KIAA0513: variants seen among roughly 807,000 people sequenced by gnomAD.
KIAA0513 encodes the protein KIAA0513, also known as uncharacterized protein KIAA0513.
In KIAA0513, 39 loss-of-function variants were observed where a neutral mutation model predicts 56.5. That is an observed-to-expected ratio of 0.69 (90% CI 0.53 to 0.90). The LOEUF (loss-of-function observed/expected upper bound fraction) is 0.90. Among genes scored for constraint, KIAA0513 ranks in the 40% least tolerant of loss-of-function variants. The pLI is 0.00. For synonymous variants in KIAA0513, 268 were observed against 215.6 expected, an observed-to-expected ratio of 1.24 and a Z score of -2.13; for missense variants, 591 against 535.2, an observed-to-expected ratio of 1.10 and a Z score of -1.03.
intron 1 of KIAA0513, among the ~76,000 whole-genome samples, chr16:85,052,307 A>T (rs1219853048): frequency 7.3e-5 from 11 of 150,728 alleles, no homozygotes; most frequent in African/African-American, 2.5e-4. Context: ...TGACAGAACG[A>T]GCAAGGCTCT....
At chr16:85,072,014 A>T (rs2073584121) in intron 3 of KIAA0513, 132 bp downstream of exon 3, 11 of 650,298 alleles carry the variant, frequency 1.7e-5, no homozygotes, top group Non-Finnish European at 2.7e-5. Flanking sequence ...AACAGTAAAA[A>T]AAGTAAAACT....
At chr16:85,064,168 G>A (rs1181545250) in intron 1 of KIAA0513, among the ~76,000 whole-genome samples, 1 of 151,922 alleles carries the variant, frequency 6.6e-6, no homozygotes, top group Non-Finnish European at 1.5e-5. Context: ...ACCATGCCTG[G>A]CTAATTTTTG....
intron 1 of KIAA0513, among the ~76,000 whole-genome samples, chr16:85,057,757 CTTTTTGTTTTTGTT>C (rs2073349887): frequency 1.4e-5 from 2 of 147,778 alleles, no homozygotes; most frequent in African/African-American, 5.3e-5. Flanking sequence ...GCTGCCTCTG[CTTTTTGTTTTTGTT>C]TTTTTTTTTT....
intron 10 of KIAA0513, among the ~76,000 whole-genome samples, chr16:85,084,782 T>G (rs2073789934): frequency 1.3e-5 from 2 of 150,420 alleles, no homozygotes; most frequent in Non-Finnish European, 2.9e-5. Flanking sequence ...AGGCTGGTCT[T>G]GAACTCCTGA....
chr16:85,085,206 C>T (rs868829074), intron 10 of KIAA0513, among the ~76,000 whole-genome samples: 2 of 152,200 alleles, frequency 1.3e-5, no homozygotes, highest in Non-Finnish European at 2.9e-5. Context: ...TGGGATGGGA[C>T]TCTGCAGAGT....
At chr16:85,060,925 G>A (rs2073395407) in intron 1 of KIAA0513, among the ~76,000 whole-genome samples, 3 of 151,882 alleles carry the variant, frequency 2.0e-5, no homozygotes, top group African/African-American at 7.2e-5. Context: ...AGTCAGAGGT[G>A]GGTAGATCAC....
chr16:85,074,367 T>C lies in KIAA0513; in HGVS notation c.503+1369T>C, dbSNP rs1056601280. 1.3e-4 allele frequency among the ~76,000 whole-genome samples: 19 copies of C among 149,948 alleles called. No homozygotes were observed. The East Asian group carries it at 2.6e-3, about 20-fold the overall frequency. On this transcript the variant is annotated intron_variant, in intron 4 of 12. Coordinates refer to ENST00000683363, the MANE Select transcript of KIAA0513 (RefSeq NM_001388359.1). The stretch of plus-strand genomic sequence containing the variant: ...ATACACACACACACACACACACATA[T>C]ATATTTAGTAGAGATGAAGTCATCA...
rs752802880 is a variant in KIAA0513 at position 85,073,041 on chromosome 16, C to G, written c.503+43C>G. 49 of 1,520,370 alleles carry G rather than the reference C, an allele frequency of 3.2e-5. No individual in the cohort carries two copies. In the East Asian group the frequency reaches 1.1e-3, roughly 33 times the overall value. The allele number at this position is 1,520,370 out of a possible 1,614,324, so 94.2% of individuals were successfully genotyped here. A position where few individuals can be genotyped will look rare whatever the true frequency, so the allele number is the denominator to read the frequency against. ...ACAAAGCCTTTGTCCTGGCAAGCTC[C>G]TCTTCCCTCCCTGCCTCCCTCCCCA... On this transcript the variant is annotated intron_variant, in intron 4 of 12. Coordinates refer to ENST00000683363, the MANE Select transcript of KIAA0513 (RefSeq NM_001388359.1).
chr16:85,088,128 G>T lies in KIAA0513; in HGVS notation c.1187-148G>T, dbSNP rs565445105. On this transcript the variant is annotated intron_variant, in intron 12 of 12. Coordinates refer to ENST00000683363, the MANE Select transcript of KIAA0513 (RefSeq NM_001388359.1). ...AGCCCTGCCCTGAAGCACGCAAGCCGTGTGGCCTGCAGAAGGCAGTGTGGT... is the reference window on the plus strand; with the variant it reads ...AGCCCTGCCCTGAAGCACGCAAGCCTTGTGGCCTGCAGAAGGCAGTGTGGT... 1.3e-5 allele frequency: 9 copies of T among 708,186 alleles called. No homozygotes were observed. In the African/African-American group the frequency reaches 1.6e-4, roughly 12 times the overall value. The allele number at this position is 708,186 out of a possible 1,614,324, so 43.9% of individuals were successfully genotyped here.
At chr16:85,050,852 G>A (rs1178342392) in intron 1 of KIAA0513, among the ~76,000 whole-genome samples, 1 of 152,172 alleles carries the variant, frequency 6.6e-6, no homozygotes, top group African/African-American at 2.4e-5. Context: ...CCCTTCACAG[G>A]CGTTTACAAA....
intron 1 of KIAA0513, among the ~76,000 whole-genome samples, chr16:85,046,492 T>A (rs753527444): frequency 6.6e-6 from 1 of 152,132 alleles, no homozygotes; most frequent in Non-Finnish European, 1.5e-5. Flanking sequence ...CCTTCGTCAT[T>A]TCTAGTCCCC....
chr16:85,061,450 A>G (rs1459587119), intron 1 of KIAA0513, among the ~76,000 whole-genome samples: 1 of 152,152 alleles, frequency 6.6e-6, no homozygotes, highest in Non-Finnish European at 1.5e-5. Flanking sequence ...TGCAGCTTCA[A>G]CAGGGGAGAC....
intron 1 of KIAA0513, among the ~76,000 whole-genome samples, chr16:85,059,097 A>G (rs531555536): frequency 2.0e-4 from 31 of 152,350 alleles, no homozygotes; most frequent in Non-Finnish European, 2.1e-4. Context: ...GTGACTTGAC[A>G]TGGACTGTTG....
At chr16:85,043,287 A>T (rs576667798) in intron 1 of KIAA0513, among the ~76,000 whole-genome samples, 8 of 151,582 alleles carry the variant, frequency 5.3e-5, no homozygotes, top group Admixed American at 3.3e-4. Flanking sequence ...GGTACACACC[A>T]CACATACCTG....
At chr16:85,037,439 A>G (rs950741679) in intron 1 of KIAA0513, among the ~76,000 whole-genome samples, 2 of 152,210 alleles carry the variant, frequency 1.3e-5, no homozygotes, top group African/African-American at 4.8e-5. Context: ...ATGAGGGAAG[A>G]GAACCACATT....
chr16:85,058,396 A>G (rs376922708), intron 1 of KIAA0513, among the ~76,000 whole-genome samples: 3 of 152,318 alleles, frequency 2.0e-5, no homozygotes, highest in Admixed American at 6.5e-5. Flanking sequence ...GCTCATGCCT[A>G]TAATCCCAGC....
chr16:85,065,225 G>C (rs2073461594), intron 1 of KIAA0513, among the ~76,000 whole-genome samples: 1 of 152,194 alleles, frequency 6.6e-6, no homozygotes, highest in African/African-American at 2.4e-5. Flanking sequence ...AAGGGCCTTG[G>C]GTTTCTGATC....
chr16:85,051,293 G>C (rs1004815988), intron 1 of KIAA0513, among the ~76,000 whole-genome samples: 4 of 152,146 alleles, frequency 2.6e-5, no homozygotes, highest in African/African-American at 9.7e-5. Context: ...TGTGAACTGT[G>C]AACCAAATTT....
intron 12 of KIAA0513, 90 bp from the exon 13 acceptor site, chr16:85,088,186 C>T (rs1638319193): frequency 5.7e-6 from 7 of 1,235,154 alleles, no homozygotes; most frequent in East Asian, 4.7e-5. Flanking sequence ...CAGGGAGGCC[C>T]GATTCGTCCC....
Sources: allele counts gnomAD v4.1 joint callset (sites outside exome capture counted in the v4.1 genomes callset), GRCh38; gene constraint gnomAD v4.1.1; transcripts MANE v1.5; gene names NCBI Gene and HGNC (gene_info 2026-07-23, HGNC 2026-07-21).